The following CHST11 variants were observed in gnomAD, a reference collection of about 807,000 sequenced individuals.
CHST11 encodes the protein C4S-1.
In CHST11, 9 loss-of-function variants were observed where a neutral mutation model predicts 30.4. The ratio of observed to expected loss-of-function variants is 0.30; its 90% CI spans 0.18 to 0.52. The LOEUF (loss-of-function observed/expected upper bound fraction) is 0.52, where lower values mean the gene tolerates loss of function less well. Ranked by LOEUF, CHST11 falls within the 20% of genes least tolerant of loss-of-function variation. CHST11 has a pLI of 0.97. For missense variants in CHST11, 348 were observed against 460.6 expected (o/e 0.76, Z 2.24); for synonymous variants, 152 against 187.8 (o/e 0.81, Z 1.56).
chr12:104,687,501 G>A (rs966661543), intron 2 of CHST11, among the ~76,000 whole-genome samples: 1 of 152,204 alleles, frequency 6.6e-6, no homozygotes, highest in African/African-American at 2.4e-5. Context: ...TTATTTTACA[G>A]ATGAAGAAAG....
Position 104,601,950 on chromosome 12 carries a change from G to A in CHST11, c.163G>A (p.Gly55Arg). The A allele has an allele frequency of 1.2e-6, 2 of 1,614,046 alleles. No individual in the cohort carries two copies. Among genetic ancestry groups the A allele is most frequent in the Non-Finnish European group, 1.7e-6 (2 of 1,179,978 alleles). ...PFGVDICCRK[G>R]SRSPLQELYN... ...TGGTGTGGACATCTGCTGCCGGAAG[G>A]GGTCCCGAAGCCCCCTGCAGGAACT... Residue 55 changes from glycine to arginine, a missense_variant, in exon 2 of 3, where the codon GGG (glycine) becomes AGG (arginine). Around this residue, in one of 3 missense-constraint regions of CHST11, gnomAD observed 135 missense variants for 155.8 expected, o/e 0.87. Transcript: ENST00000303694.
intron 1 of CHST11, among the ~76,000 whole-genome samples, chr12:104,482,173 C>CTT (rs113614124): frequency 2.7e-5 from 4 of 147,500 alleles, no homozygotes; most frequent in African/African-American, 7.4e-5. Flanking sequence ...ATGTATGGCT[C>CTT]TTTTTTTTTT....
chr12:104,699,801 A>G (rs944401194), intron 2 of CHST11, among the ~76,000 whole-genome samples: 2 of 152,204 alleles, frequency 1.3e-5, no homozygotes, highest in Admixed American at 6.5e-5. Flanking sequence ...CTCCACTTGC[A>G]GTGACTATAG....
rs1247640223 is a variant in CHST11 at position 104,760,288 on chromosome 12, T to TC, written c.*2487dup. 1 of 151,880 alleles carries TC rather than the reference T, an allele frequency of 6.6e-6. No homozygotes were observed. The highest frequency in any genetic ancestry group is 2.4e-5 in the African/African-American group (1 of 41,338). The allele number at this position is 151,880 out of a possible 1,614,324, so 9.4% of individuals were successfully genotyped here. On this transcript the variant is annotated 3_prime_UTR_variant, in exon 3 of 3. Coordinates refer to ENST00000303694, the MANE Select transcript of CHST11 (RefSeq NM_018413.6). ...AAAAATACAAAATAGCACCACAGTCTCCATCTGGTTTATAGCAACAGAGGT... is the reference window on the plus strand; with the variant it reads ...AAAAATACAAAATAGCACCACAGTCTCCCATCTGGTTTATAGCAACAGAGGT...
At chr12:104,551,022 G>A (rs191935390) in intron 1 of CHST11, among the ~76,000 whole-genome samples, 8 of 152,122 alleles carry the variant, frequency 5.3e-5, no homozygotes, top group Admixed American at 6.5e-5. Context: ...CTGATGGTCC[G>A]TACTTGAGAC....
chr12:104,758,546 C>T lies in CHST11; in HGVS notation c.*743C>T, dbSNP rs919226433. 7 of 152,022 alleles carry T rather than the reference C, an allele frequency of 4.6e-5. No individual in the cohort carries two copies. The highest frequency in any genetic ancestry group is 3.9e-4 in the East Asian group (2 of 5,194). The allele number at this position is 152,022 out of a possible 1,614,324, so 9.4% of individuals were successfully genotyped here. On this transcript the variant is annotated 3_prime_UTR_variant, in exon 3 of 3. Transcript: ENST00000303694. Reference sequence around the variant, plus strand: ...GGTGAAGTGGCTATTGCTTTATATTCGACAAATATTTATTGAGCATCTACT... The same window carrying T: ...GGTGAAGTGGCTATTGCTTTATATTTGACAAATATTTATTGAGCATCTACT...
At chr12:104,681,415 G>C (rs999204403) in intron 2 of CHST11, among the ~76,000 whole-genome samples, 1 of 152,208 alleles carries the variant, frequency 6.6e-6, no homozygotes, top group Non-Finnish European at 1.5e-5. Flanking sequence ...AACTAGATTA[G>C]TGGTTGCATA....
chr12:104,681,336 C>A (rs1284617815), intron 2 of CHST11, among the ~76,000 whole-genome samples: 1 of 152,188 alleles, frequency 6.6e-6, no homozygotes, highest in African/African-American at 2.4e-5. Flanking sequence ...AAATTACTCA[C>A]AAAAGACCGC....
intron 1 of CHST11, among the ~76,000 whole-genome samples, chr12:104,488,031 C>T (rs1180325500): frequency 1.3e-5 from 2 of 152,150 alleles, no homozygotes; most frequent in African/African-American, 2.4e-5. Context: ...GCCTCAGCCT[C>T]CCAAGTAGCT....
At chr12:104,728,013 C>G (rs900067846) in intron 2 of CHST11, among the ~76,000 whole-genome samples, 2 of 152,140 alleles carry the variant, frequency 1.3e-5, no homozygotes, top group African/African-American at 2.4e-5. Flanking sequence ...GGATAAAATC[C>G]AGTGTTGAAA....
chr12:104,637,334 A>G (rs868128579), intron 2 of CHST11, among the ~76,000 whole-genome samples: 2 of 60,346 alleles, frequency 3.3e-5, no homozygotes, highest in African/African-American at 1.4e-4. Flanking sequence ...AAAAAAAAAA[A>G]AGGGGGTTGG....
At chr12:104,568,972 T>G (rs1357571816) in intron 1 of CHST11, among the ~76,000 whole-genome samples, 1 of 152,222 alleles carries the variant, frequency 6.6e-6, no homozygotes, top group Non-Finnish European at 1.5e-5. Flanking sequence ...ATAAAGTACC[T>G]AAGAGTATGC....
chr12:104,585,931 G>T (rs919810558), intron 1 of CHST11, among the ~76,000 whole-genome samples: 21 of 152,078 alleles, frequency 1.4e-4, no homozygotes, highest in African/African-American at 4.8e-4. Flanking sequence ...TTCCCTGTGT[G>T]TGTCTCTGTG....
intron 1 of CHST11, among the ~76,000 whole-genome samples, chr12:104,470,131 T>C (rs1031327230): frequency 1.3e-5 from 2 of 152,170 alleles, no homozygotes; most frequent in Non-Finnish European, 2.9e-5. Context: ...CATCCTACAA[T>C]GGATAGGATA....
chr12:104,681,942 T>C (rs2039800925), intron 2 of CHST11, among the ~76,000 whole-genome samples: 1 of 147,192 alleles, frequency 6.8e-6, no homozygotes, highest in African/African-American at 2.5e-5. Flanking sequence ...GCCATTCTCC[T>C]GCCTCAGCCT....
Position 104,558,607 on chromosome 12 carries a change from T to C in CHST11, c.119-43299T>C, listed in dbSNP as rs1308246588. Among the ~76,000 whole-genome samples, 3 of 135,244 alleles carry C rather than the reference T, an allele frequency of 2.2e-5. No homozygotes were observed. The Admixed American group carries it at 2.4e-4, about 11-fold the overall frequency. 88.7% of individuals were successfully genotyped at this position (135,244 alleles called of 152,430 possible). A position where few individuals can be genotyped will look rare whatever the true frequency, so the allele number is the denominator to read the frequency against. ...AGGCTGCAGTGCAGTGGCGCGATCT[T>C]GGGCCACTGCAACCTCCACCTCCTG... On this transcript the variant is annotated intron_variant, in intron 1 of 2. Transcript: ENST00000303694.
intron 2 of CHST11, among the ~76,000 whole-genome samples, chr12:104,714,396 G>C (rs1257771529): frequency 6.6e-6 from 1 of 152,220 alleles, no homozygotes; most frequent in Non-Finnish European, 1.5e-5. Flanking sequence ...ACCTTGGTCA[G>C]TTTCACTGTC....
chr12:104,602,111 A>G (rs1256447197), intron 2 of CHST11, 120 bp downstream of exon 2: 5 of 696,118 alleles, frequency 7.2e-6, no homozygotes, highest in Non-Finnish European at 1.3e-5. Context: ...CTGGCATTTT[A>G]CCTTCAGTGG....
intron 1 of CHST11, among the ~76,000 whole-genome samples, chr12:104,557,880 C>G (rs1016609639): frequency 1.3e-5 from 2 of 152,026 alleles, no homozygotes; most frequent in South Asian, 2.1e-4. Context: ...ATCAGAGAAG[C>G]CTTCGTGGGG....
Sources: allele counts gnomAD v4.1 joint callset (sites outside exome capture counted in the v4.1 genomes callset), GRCh38; gene constraint gnomAD v4.1.1; regional missense constraint gnomAD v4.1.1; transcripts MANE v1.5; gene names NCBI Gene and HGNC (gene_info 2026-07-23, HGNC 2026-07-21).